Variants in CCDC146 observed in about 807,000 individuals in gnomAD.
The protein encoded by CCDC146 is coiled-coil domain containing 146, also known as coiled-coil domain-containing protein 146.
Under a neutral mutation model 119.3 loss-of-function variants are expected in CCDC146, and 92 were observed. The ratio of observed to expected loss-of-function variants is 0.77; its 90% CI spans 0.65 to 0.92. The LOEUF (loss-of-function observed/expected upper bound fraction) is 0.92. Ranked by LOEUF, CCDC146 falls within the 40% of genes least tolerant of loss-of-function variation. CCDC146 has a pLI of 0.00. For missense variants in CCDC146, 1,000 were observed against 1,103.0 expected (o/e 0.91, Z 1.32); for synonymous variants, 372 against 371.8 (o/e 1.00, Z -0.01).
intron 15 of CCDC146, among the ~76,000 whole-genome samples, chr7:77,284,024 C>T (rs966441012): frequency 5.9e-5 from 9 of 152,184 alleles, no homozygotes; most frequent in Admixed American, 3.3e-4. Flanking sequence ...GGCTCTGACT[C>T]CTGCTTCCAA....
chr7:77,170,760 C>A (rs1357487112), intron 2 of CCDC146, among the ~76,000 whole-genome samples: 3 of 152,146 alleles, frequency 2.0e-5, no homozygotes, highest in African/African-American at 7.2e-5. Context: ...GCAAAGGACA[C>A]TAACAGACGT....
At chr7:77,175,879 G>T (rs1791492369) in intron 2 of CCDC146, among the ~76,000 whole-genome samples, 1 of 151,108 alleles carries the variant, frequency 6.6e-6, no homozygotes, top group Non-Finnish European at 1.5e-5. Context: ...AGCATAAAAA[G>T]GTTCCTATTC....
At chr7:77,159,860 T>A (rs2117464643) in intron 1 of CCDC146, among the ~76,000 whole-genome samples, 1 of 152,348 alleles carries the variant, frequency 6.6e-6, no homozygotes, top group Admixed American at 6.5e-5. Flanking sequence ...ATGTCCTGAA[T>A]GGTAATGCCT....
At chr7:77,222,319 T>C (rs1270423775) in intron 2 of CCDC146, among the ~76,000 whole-genome samples, 10 of 152,214 alleles carry the variant, frequency 6.6e-5, no homozygotes, top group African/African-American at 2.2e-4. Context: ...CACTCGGGGA[T>C]GCCTCCATGC....
intron 16 of CCDC146, 105 bp from the exon 17 acceptor site, chr7:77,287,335 A>G: frequency 8.4e-7 from 1 of 1,192,744 alleles, no homozygotes; most frequent in Non-Finnish European, 1.2e-6. Context: ...CACTTTCCAG[A>G]GGTATTTTGT....
At chr7:77,155,043 C>T (rs937196797) in intron 1 of CCDC146, among the ~76,000 whole-genome samples, 7 of 152,230 alleles carry the variant, frequency 4.6e-5, no homozygotes, top group African/African-American at 1.7e-4. Flanking sequence ...CATTCCAAAT[C>T]TCTTACAGGA....
At chr7:77,209,977 A>G (rs1314700702) in intron 2 of CCDC146, among the ~76,000 whole-genome samples, 2 of 152,170 alleles carry the variant, frequency 1.3e-5, no homozygotes, top group East Asian at 1.9e-4. Flanking sequence ...CAGGCCTGTG[A>G]TGAGAGGGGC....
intron 9 of CCDC146, among the ~76,000 whole-genome samples, chr7:77,264,144 T>C (rs1372988623): frequency 1.3e-5 from 2 of 152,222 alleles, no homozygotes; most frequent in Non-Finnish European, 2.9e-5. Flanking sequence ...GAAATCTCTT[T>C]AACTCTAGTA....
intron 1 of CCDC146, among the ~76,000 whole-genome samples, chr7:77,127,625 A>G (rs915752562): frequency 4.6e-5 from 7 of 152,028 alleles, no homozygotes; most frequent in Non-Finnish European, 7.4e-5. Flanking sequence ...TGCCTCTTTT[A>G]TTTTATGGAA....
At chr7:77,243,257 C>T (rs1217522726) in intron 4 of CCDC146, among the ~76,000 whole-genome samples, 2 of 152,138 alleles carry the variant, frequency 1.3e-5, no homozygotes, top group African/African-American at 2.4e-5. Flanking sequence ...TAGACAGGCA[C>T]ATTATTCACT....
intron 1 of CCDC146, among the ~76,000 whole-genome samples, chr7:77,153,661 C>T (rs1157084182): frequency 6.7e-6 from 1 of 148,708 alleles, no homozygotes; most frequent in South Asian, 2.1e-4. Context: ...ATATGAAATG[C>T]TGGCAAGGAT....
Position 77,229,890 on chromosome 7 carries a change from T to G in CCDC146, c.157-7057T>G, listed in dbSNP as rs568775374. ...TATACAGAGTTGTATAATCATGGCA[T>G]AATTGTAGAATATTTCCGTGACACC... On this transcript the variant is annotated intron_variant, in intron 2 of 18. Transcript: ENST00000285871. 3.4e-3 allele frequency among the ~76,000 whole-genome samples: 522 copies of G among 152,340 alleles called. 3 individuals are homozygous for G. Among genetic ancestry groups the G allele is most frequent in the African/African-American group, 0.012 (499 of 41,586 alleles).
chr7:77,123,686 C>A (rs1790656723), intron 1 of CCDC146, among the ~76,000 whole-genome samples: 1 of 152,112 alleles, frequency 6.6e-6, no homozygotes, highest in South Asian at 2.1e-4. Flanking sequence ...GACCAGAATT[C>A]TTGGGGCTAT....
chr7:77,131,533 C>T (rs1790785352), intron 1 of CCDC146, among the ~76,000 whole-genome samples: 1 of 151,964 alleles, frequency 6.6e-6, no homozygotes, highest in Non-Finnish European at 1.5e-5. Flanking sequence ...GCTTGGCCAA[C>T]GTGGCGAAAC....
Position 77,221,678 on chromosome 7 carries a change from C to T in CCDC146, c.157-15269C>T, listed in dbSNP as rs149129744. 2.9e-3 allele frequency among the ~76,000 whole-genome samples: 446 copies of T among 152,244 alleles called. 5 individuals are homozygous for T. The highest frequency in any genetic ancestry group is 3.9e-3 in the African/African-American group (163 of 41,526). On this transcript the variant is annotated intron_variant, in intron 2 of 18. Transcript: ENST00000285871. Reference sequence around the variant, plus strand: ...ACACTAGAATGATCCCTGGCTTCAGCGCACTTCCCATCTGATGGACAGACA... The same window carrying T: ...ACACTAGAATGATCCCTGGCTTCAGTGCACTTCCCATCTGATGGACAGACA...
chr7:77,270,063 A>G (rs1793481590), intron 9 of CCDC146, among the ~76,000 whole-genome samples: 1 of 152,238 alleles, frequency 6.6e-6, no homozygotes, highest in Admixed American at 6.5e-5. Context: ...TTGTACATAG[A>G]GACTCTCCCA....
At chr7:77,217,360 A>G (rs933105428) in intron 2 of CCDC146, among the ~76,000 whole-genome samples, 23 of 151,836 alleles carry the variant, frequency 1.5e-4, no homozygotes, top group African/African-American at 5.3e-4. Flanking sequence ...ATATGTATAT[A>G]TATGTGTGTA....
At chr7:77,240,132 G>A (rs923217633) in intron 3 of CCDC146, among the ~76,000 whole-genome samples, 2 of 152,210 alleles carry the variant, frequency 1.3e-5, no homozygotes, top group Admixed American at 6.5e-5. Context: ...GAGAGCTAGG[G>A]TTGTTTGGGG....
intron 2 of CCDC146, among the ~76,000 whole-genome samples, chr7:77,185,070 G>T (rs1562825838): frequency 1.3e-5 from 2 of 151,958 alleles, no homozygotes; most frequent in Non-Finnish European, 2.9e-5. Context: ...AAAACAGTTT[G>T]TAGATAACAG....
Sources: allele counts gnomAD v4.1 joint callset (sites outside exome capture counted in the v4.1 genomes callset), GRCh38; gene constraint gnomAD v4.1.1; transcripts MANE v1.5; gene names NCBI Gene and HGNC (gene_info 2026-07-23, HGNC 2026-07-21).